Variants in CACNA1D observed in about 807,000 individuals in gnomAD.
CACNA1D encodes voltage-dependent L-type calcium channel subunit alpha-1D.
A neutral mutation model predicts 257.1 loss-of-function variants in CACNA1D; 55 were observed. The ratio of observed to expected loss-of-function variants is 0.21; its 90% CI spans 0.17 to 0.27. The LOEUF (loss-of-function observed/expected upper bound fraction) is 0.27. Ranked by LOEUF, CACNA1D falls within the 10% of genes least tolerant of loss-of-function variation. CACNA1D has a pLI of 1.00. For synonymous variants in CACNA1D, 980 were observed against 1,014.9 expected (o/e 0.97, Z 0.65); for missense variants, 1,876 against 2,784.0 (o/e 0.67, Z 7.34).
intron 40 of CACNA1D, among the ~76,000 whole-genome samples, chr3:53,795,082 G>A (rs750499986): frequency 1.3e-5 from 2 of 152,288 alleles, no homozygotes; most frequent in East Asian, 1.9e-4. Context: ...GTCCCCATTC[G>A]TCTAGCATGG....
intron 8 of CACNA1D, among the ~76,000 whole-genome samples, chr3:53,691,691 GATATATATTACATATATAAT>G (rs60630509): frequency 0.34 from 37,856 of 111,002 alleles, 7,004 homozygotes; most frequent in Middle Eastern, 0.43. Flanking sequence ...ATATATTGCA[GATATATATTACATATATAAT>G]ATATATATTA....
At chr3:53,620,607 G>T (rs917187917) in intron 3 of CACNA1D, among the ~76,000 whole-genome samples, 4 of 152,186 alleles carry the variant, frequency 2.6e-5, no homozygotes, top group Admixed American at 6.5e-5. Context: ...CTCTGTTAAA[G>T]CAGAACTCAC....
intron 3 of CACNA1D, among the ~76,000 whole-genome samples, chr3:53,598,387 C>T (rs1403058350): frequency 1.3e-5 from 2 of 151,296 alleles, no homozygotes; most frequent in African/African-American, 4.9e-5. Flanking sequence ...ACCAGCCTAA[C>T]CAACATGGCA....
intron 3 of CACNA1D, among the ~76,000 whole-genome samples, chr3:53,562,661 C>T (rs1860417): frequency 6.6e-6 from 1 of 152,054 alleles, no homozygotes; most frequent in Non-Finnish European, 1.5e-5. Context: ...GCCTCCCCCC[C>T]CAAATTCTCT....
At chr3:53,741,387 G>C (rs928299616) in intron 21 of CACNA1D, among the ~76,000 whole-genome samples, 3 of 152,132 alleles carry the variant, frequency 2.0e-5, no homozygotes, top group Non-Finnish European at 2.9e-5. Flanking sequence ...TGTGGAACTT[G>C]GGCTCTTTAC....
intron 8 of CACNA1D, among the ~76,000 whole-genome samples, chr3:53,690,227 G>A (rs1047841086): frequency 1.6e-4 from 24 of 152,200 alleles, no homozygotes; most frequent in Admixed American, 6.5e-5. Context: ...AACCCGCTGT[G>A]GGACCCTGTC....
At chr3:53,728,621 G>A (rs1284572126) in intron 15 of CACNA1D, among the ~76,000 whole-genome samples, 2 of 152,154 alleles carry the variant, frequency 1.3e-5, no homozygotes, top group African/African-American at 4.8e-5. Context: ...TGACTCTTTA[G>A]GCCACAGCAA....
At chr3:53,632,836 C>T (rs2093837107) in intron 3 of CACNA1D, among the ~76,000 whole-genome samples, 1 of 152,192 alleles carries the variant, frequency 6.6e-6, no homozygotes, top group Admixed American at 6.5e-5. Context: ...TCTATGGGCG[C>T]AGTTTGTGAT....
intron 8 of CACNA1D, among the ~76,000 whole-genome samples, chr3:53,682,496 G>T (rs2094442151): frequency 6.7e-6 from 1 of 150,272 alleles, no homozygotes; most frequent in Non-Finnish European, 1.5e-5. Context: ...GTTTGAGGTT[G>T]CAGTGAGCTA....
At chr3:53,526,823 C>T (rs2091782477) in intron 3 of CACNA1D, among the ~76,000 whole-genome samples, 1 of 152,186 alleles carries the variant, frequency 6.6e-6, no homozygotes, top group African/African-American at 2.4e-5. Context: ...AGGCATGGCA[C>T]CTGGAACATA....
At position 53,551,487 on chromosome 3, in the gene CACNA1D, T is replaced by C. The variant is rs138833706; in HGVS notation, c.483+49767T>C. On this transcript the variant is annotated intron_variant, in intron 3 of 47. Transcript: ENST00000350061. ...GCCGGGTATGACCCGACCTTCGTCTTGTACCCACTGTCTCCTTCCTTTTGT... is the reference window on the plus strand; with the variant it reads ...GCCGGGTATGACCCGACCTTCGTCTCGTACCCACTGTCTCCTTCCTTTTGT... Among the ~76,000 whole-genome samples the C allele has an allele frequency of 7.1e-4, 108 of 152,342 alleles. 1 individual carries two copies. The highest frequency in any genetic ancestry group is 3.4e-3 in the Middle Eastern group (1 of 294).
intron 30 of CACNA1D, 38 bp downstream of exon 30, chr3:53,762,119 C>T: frequency 9.3e-6 from 12 of 1,290,366 alleles, no homozygotes; most frequent in East Asian, 2.3e-5. Flanking sequence ...CCTGTGTCCT[C>T]TCTCCTCTGT....
At chr3:53,744,567 G>A (rs888201658) in intron 22 of CACNA1D, among the ~76,000 whole-genome samples, 173 bp from the exon 23 acceptor site, 4 of 152,192 alleles carry the variant, frequency 2.6e-5, no homozygotes, top group African/African-American at 4.8e-5. Context: ...CCTCGTGTGG[G>A]CGGGGAGGAG....
chr3:53,692,663 G>C (rs939539947), intron 8 of CACNA1D, among the ~76,000 whole-genome samples: 3 of 152,164 alleles, frequency 2.0e-5, no homozygotes, highest in Non-Finnish European at 1.5e-5. Flanking sequence ...ACTCAACCTA[G>C]TCATTAAAAG....
intron 3 of CACNA1D, among the ~76,000 whole-genome samples, chr3:53,606,847 A>T (rs1466631370): frequency 6.6e-6 from 1 of 152,226 alleles, no homozygotes; most frequent in Non-Finnish European, 1.5e-5. Context: ...TGACCCAGGC[A>T]AACACTGATC....
At chr3:53,748,732 C>T (rs2095195976) in intron 26 of CACNA1D, among the ~76,000 whole-genome samples, 1 of 152,208 alleles carries the variant, frequency 6.6e-6, no homozygotes, top group Non-Finnish European at 1.5e-5. Context: ...CTCGGGAAGC[C>T]TATGCATGGG....
intron 3 of CACNA1D, among the ~76,000 whole-genome samples, chr3:53,517,219 AATCCTAATCCCTCACTGCAAGGCCCT>A (rs2091374169): frequency 1.5e-4 from 1 of 6,796 alleles, no homozygotes; most frequent in African/African-American, 9.0e-4. Flanking sequence ...CAAGGCCCTG[AATCCTAATCCCTCACTGCAAGGCCCT>A]GAATCCTAAT....
intron 19 of CACNA1D, among the ~76,000 whole-genome samples, chr3:53,734,732 T>C (rs1461840621): frequency 1.3e-5 from 2 of 152,192 alleles, no homozygotes; most frequent in Admixed American, 1.3e-4. Context: ...TAGCAAATGA[T>C]GCTCCAACCT....
chr3:53,494,994 T>A lies in CACNA1D; in HGVS notation c.-173T>A. On this transcript the variant is annotated 5_prime_UTR_variant, in exon 1 of 48. Coordinates refer to ENST00000350061, the MANE Select transcript of CACNA1D (RefSeq NM_001128840.3). ...GCGAGCGGTTTTTTTTTTAAATCAA[T>A]TATCCTTATTTTCTGTTATTTGTCC... 1 of 419,972 alleles carries A rather than the reference T, an allele frequency of 2.4e-6. No homozygotes were observed. Among genetic ancestry groups the A allele is most frequent in the African/African-American group, 2.0e-5 (1 of 48,790 alleles). 26.0% of individuals were successfully genotyped at this position (419,972 alleles called of 1,614,324 possible).
Sources: allele counts gnomAD v4.1 joint callset (sites outside exome capture counted in the v4.1 genomes callset), GRCh38; gene constraint gnomAD v4.1.1; transcripts MANE v1.5; gene names NCBI Gene and HGNC (gene_info 2026-07-23, HGNC 2026-07-21).